The following CFHR4 variants were observed in gnomAD, a reference collection of about 807,000 sequenced individuals.
CFHR4 encodes the protein complement factor H-related protein 4.
CFHR4 carries 64 observed loss-of-function variants against 69.3 expected under a neutral mutation model. The ratio of observed to expected loss-of-function variants is 0.92; its 90% CI spans 0.76 to 1.14. The LOEUF (loss-of-function observed/expected upper bound fraction) is 1.14, where lower values mean the gene tolerates loss of function less well. CFHR4 is among the 50% of genes most tolerant of loss of function. The pLI is 0.00. For synonymous variants in CFHR4, 244 were observed against 237.0 expected (o/e 1.03, Z -0.27); for missense variants, 636 against 684.9 (o/e 0.93, Z 0.80).
At chr1:196,913,852 G>T (rs1313617998) in intron 7 of CFHR4, among the ~76,000 whole-genome samples, 2 of 151,314 alleles carry the variant, frequency 1.3e-5, no homozygotes, top group Non-Finnish European at 2.9e-5. Flanking sequence ...CATTTACAAA[G>T]TGATTATCTC....
chr1:196,896,784 G>C (rs577308749), intron 1 of CFHR4, among the ~76,000 whole-genome samples: 6 of 151,720 alleles, frequency 4.0e-5, no homozygotes, highest in African/African-American at 1.5e-4. Context: ...AACTGTAAAG[G>C]TGAGGAGTCA....
rs117094455 is a variant in CFHR4, at chr1:196,909,466, T to C, written c.800-815T>C. On this transcript the variant is annotated intron_variant, in intron 5 of 9. Transcript: ENST00000608469. ...AGAAGTATGTAGTGCTCAAATAATA[T>C]TTATTTTTGAATTGTAAACAGCCCC... is the stretch of plus-strand genomic sequence containing the variant. 1.9e-3 allele frequency among the ~76,000 whole-genome samples: 281 copies of C among 151,720 alleles called. 10 individuals are homozygous for C. In the East Asian group the frequency reaches 0.045, roughly 24 times the overall value.
intron 1 of CFHR4, among the ~76,000 whole-genome samples, chr1:196,900,111 A>G (rs1381881814): frequency 6.6e-6 from 1 of 151,500 alleles, no homozygotes; most frequent in Non-Finnish European, 1.5e-5. Flanking sequence ...GGTCAAAGGA[A>G]TCAGCAGTAC....
intron 9 of CFHR4, among the ~76,000 whole-genome samples, chr1:196,915,803 T>C (rs1321752416): frequency 1.3e-5 from 2 of 151,562 alleles, no homozygotes; most frequent in Non-Finnish European, 2.9e-5. Flanking sequence ...AAATATGGCA[T>C]CTCAGCTTAA....
intron 1 of CFHR4, among the ~76,000 whole-genome samples, chr1:196,890,771 T>A (rs1031489768): frequency 6.6e-6 from 1 of 151,456 alleles, no homozygotes; most frequent in Admixed American, 6.6e-5. Context: ...GGTTTCTGTG[T>A]GTATTTCACG....
At chr1:196,894,597 G>A (rs539339758) in intron 1 of CFHR4, among the ~76,000 whole-genome samples, 10 of 151,030 alleles carry the variant, frequency 6.6e-5, no homozygotes, top group African/African-American at 1.7e-4. Context: ...GTTGAAAGAC[G>A]TTTTTTTTCT....
intron 1 of CFHR4, among the ~76,000 whole-genome samples, chr1:196,900,732 G>T (rs968180113): frequency 5.3e-5 from 8 of 151,274 alleles, no homozygotes; most frequent in Non-Finnish European, 5.9e-5. Context: ...AAGTTCAAAG[G>T]TAAAGAGAAA....
rs568328642 is a variant in CFHR4, at chr1:196,899,206, T to C, written c.59-3212T>C. Among the ~76,000 whole-genome samples the C allele has an allele frequency of 1.3e-5, 2 of 151,474 alleles. 1 individual carries two copies. Among genetic ancestry groups the C allele is most frequent in the South Asian group, 4.1e-4 (2 of 4,822 alleles). On this transcript the variant is annotated intron_variant, in intron 1 of 9. Transcript: ENST00000608469. ...TGCCTTTTTCAAGATTTTTTCTGTC[T>C]CTACAAACATATTCTTTTTTTTTTC...
At chr1:196,915,310 T>C (rs1658542045) in intron 9 of CFHR4, among the ~76,000 whole-genome samples, 172 bp downstream of exon 9, 1 of 151,182 alleles carries the variant, frequency 6.6e-6, no homozygotes, top group East Asian at 1.9e-4. Flanking sequence ...GCTTGGAAAA[T>C]TCCATGTAAA....
rs181398808 is a variant in CFHR4, at chr1:196,903,043, G to A, written c.256+428G>A. Among the ~76,000 whole-genome samples, 167 of 151,196 alleles carry A rather than the reference G, an allele frequency of 1.1e-3. 4 individuals are homozygous for A. The highest frequency in any genetic ancestry group is 6.8e-4 in the Non-Finnish European group (46 of 67,908). The stretch of plus-strand genomic sequence containing the variant: ...CTTTAAATCATTTTATGGTCCTTAG[G>A]ACAATGTATTTTCAATTATTTGGAG... On this transcript the variant is annotated intron_variant, in intron 2 of 9. Coordinates refer to ENST00000608469, the MANE Select transcript of CFHR4 (RefSeq NM_001201550.3).
In CFHR4 at chr1:196,912,683, C is replaced by T. The variant is rs539274919; in HGVS notation, c.998-57C>T. ...ATTGCCATGTTTTTACTTGTTCCCT[C>T]CTATAAAAGAAGTATTCAACAAATA... On this transcript the variant is annotated intron_variant, in intron 6 of 9. Coordinates refer to ENST00000608469, the MANE Select transcript of CFHR4 (RefSeq NM_001201550.3). 36 of 1,473,354 alleles carry T rather than the reference C, an allele frequency of 2.4e-5. 1 individual carries two copies. Among genetic ancestry groups the T allele is most frequent in the Admixed American group, 4.4e-5 (2 of 45,726 alleles). 91.3% of individuals were successfully genotyped at this position (1,473,354 alleles called of 1,614,324 possible).
chr1:196,917,303 C>T (rs1658699895), intron 9 of CFHR4, among the ~76,000 whole-genome samples: 1 of 151,818 alleles, frequency 6.6e-6, no homozygotes, highest in African/African-American at 2.4e-5. Context: ...ACATTTTTAT[C>T]ATGTAAGAAT....
chr1:196,902,319 C>T, intron 1 of CFHR4, 99 bp from the exon 2 acceptor site: 1 of 859,948 alleles, frequency 1.2e-6, no homozygotes, highest in Non-Finnish European at 1.8e-6. Flanking sequence ...TAATTCATTA[C>T]ACTAAGAAGA....
intron 9 of CFHR4, among the ~76,000 whole-genome samples, chr1:196,917,920 G>T (rs187026873): frequency 1.1e-4 from 17 of 151,660 alleles, no homozygotes; most frequent in African/African-American, 3.4e-4. Context: ...GAAGTCACTA[G>T]GGTGGACACA....
In CFHR4 at chr1:196,897,383, G is replaced by C. The variant is rs1054577491; in HGVS notation, c.59-5035G>C. 5.9e-5 allele frequency among the ~76,000 whole-genome samples: 9 copies of C among 151,604 alleles called. 1 individual carries two copies. The highest frequency in any genetic ancestry group is 2.2e-4 in the African/African-American group (9 of 41,164). On this transcript the variant is annotated intron_variant, in intron 1 of 9. Transcript: ENST00000608469. Reference sequence around the variant, plus strand: ...AAACTCAGATTTGCTGTCTGCAGACGGCTTGTGTGTTAATCCGCTCAATGG... The same window carrying C: ...AAACTCAGATTTGCTGTCTGCAGACCGCTTGTGTGTTAATCCGCTCAATGG...
chr1:196,896,146 T>A (rs1657282514), intron 1 of CFHR4, among the ~76,000 whole-genome samples: 1 of 150,216 alleles, frequency 6.7e-6, no homozygotes, highest in South Asian at 2.1e-4. Flanking sequence ...CTGAACTTTT[T>A]AATCTAATAA....
Position 196,908,878 on chromosome 1 carries a change from A to G in CFHR4, c.799+1380A>G, listed in dbSNP as rs565458867. On this transcript the variant is annotated intron_variant, in intron 5 of 9. Transcript: ENST00000608469. ...GACTCATTTCTTTTATTTTGATGCTATGCTACCTTTTACCTTTTATATTGA... is the reference window on the plus strand; with the variant it reads ...GACTCATTTCTTTTATTTTGATGCTGTGCTACCTTTTACCTTTTATATTGA... Among the ~76,000 whole-genome samples, 69 of 151,474 alleles carry G rather than the reference A, an allele frequency of 4.6e-4. 3 individuals are homozygous for G. Among genetic ancestry groups the G allele is most frequent in the Middle Eastern group, 3.4e-3 (1 of 294 alleles).
chr1:196,897,599 G>C (rs1046436611), intron 1 of CFHR4, among the ~76,000 whole-genome samples: 1 of 151,298 alleles, frequency 6.6e-6, no homozygotes, highest in Non-Finnish European at 1.5e-5. Flanking sequence ...GTGGGAAGGT[G>C]GTCTTCCCCT....
rs1558248006 is a variant in CFHR4 at position 196,910,382 on chromosome 1, T to C, written c.901T>C (p.Tyr301His). 1 of 1,612,222 alleles carries C rather than the reference T, an allele frequency of 6.2e-7. No homozygotes were observed. The highest frequency in any genetic ancestry group is 8.5e-7 in the Non-Finnish European group (1 of 1,179,088). ...FPVATGQSYS[Y>H]YCDQNFVTPS... ...AGTAGCTACAGGACAATCTTACTCC[T>C]ATTACTGTGACCAAAATTTTGTGAC... Residue 301 changes from tyrosine to histidine, a missense_variant, in exon 6 of 10, where the codon TAT (tyrosine) becomes CAT (histidine). Tyr to His is a moderately conservative substitution (Grantham distance 83). Coordinates refer to ENST00000608469, the MANE Select transcript of CFHR4 (RefSeq NM_001201550.3).
Sources: allele counts gnomAD v4.1 joint callset (sites outside exome capture counted in the v4.1 genomes callset), GRCh38; gene constraint gnomAD v4.1.1; transcripts MANE v1.5; gene names NCBI Gene and HGNC (gene_info 2026-07-23, HGNC 2026-07-21).